MAP2K6: variants seen among roughly 807,000 people sequenced by gnomAD.
The protein encoded by MAP2K6 is mitogen-activated protein kinase kinase 6.
MAP2K6 carries 16 observed loss-of-function variants against 53.7 expected under a neutral mutation model. The ratio of observed to expected loss-of-function variants is 0.30; its 90% confidence interval spans 0.20 to 0.45. MAP2K6 has a LOEUF of 0.45. MAP2K6 is among the 20% of genes least tolerant of loss of function. The pLI is 1.00. For synonymous variants in MAP2K6, 132 were observed against 143.1 expected (o/e 0.92, Z 0.55); for missense variants, 204 against 411.9 (o/e 0.50, Z 4.37).
intron 1 of MAP2K6, among the ~76,000 whole-genome samples, chr17:69,429,163 C>T (rs1168464491): frequency 6.6e-6 from 1 of 151,694 alleles, no homozygotes; most frequent in Non-Finnish European, 1.5e-5. Flanking sequence ...GTGGGCTGGG[C>T]TGGTGGCTCA....
intron 1 of MAP2K6, among the ~76,000 whole-genome samples, chr17:69,503,494 A>G (rs1287622623): frequency 6.6e-6 from 1 of 152,222 alleles, no homozygotes; most frequent in Non-Finnish European, 1.5e-5. Flanking sequence ...AAAATACATA[A>G]GTAAACCCAA....
Position 69,519,588 on chromosome 17 carries a change from G to A in MAP2K6, c.366+156G>A. The A allele has an allele frequency of 2.5e-6, 2 of 788,996 alleles. 1 individual carries two copies. Among genetic ancestry groups the A allele is most frequent in the Middle Eastern group, 6.7e-4 (2 of 2,998 alleles). The allele number at this position is 788,996 out of a possible 1,614,324, so 48.9% of individuals were successfully genotyped here. A position where few individuals can be genotyped will look rare whatever the true frequency, so the allele number is the denominator to read the frequency against. On this transcript the variant is annotated intron_variant, in intron 5 of 11. Transcript: ENST00000590474. ...GTGTGCAATGATGACATGCCCTGGA[G>A]CAAGGTTGGATTGAAATTATGGTAT... is the stretch of plus-strand genomic sequence containing the variant.
At chr17:69,517,444 C>G in intron 3 of MAP2K6, 56 bp from the exon 4 acceptor site, 2 of 951,158 alleles carry the variant, frequency 2.1e-6, no homozygotes, top group Non-Finnish European at 3.2e-6. Context: ...ATAATGTGCT[C>G]TCTGTTCTGT....
intron 2 of MAP2K6, among the ~76,000 whole-genome samples, chr17:69,510,055 G>A (rs1183880769): frequency 6.6e-6 from 1 of 152,052 alleles, no homozygotes; most frequent in African/African-American, 2.4e-5. Context: ...ATGTTGCCCA[G>A]GCTGGTCTTG....
At chr17:69,445,629 A>G (rs1300963722) in intron 1 of MAP2K6, among the ~76,000 whole-genome samples, 22 of 152,232 alleles carry the variant, frequency 1.4e-4, no homozygotes, top group Admixed American at 6.5e-5. Context: ...ACCCAAGGCT[A>G]GGACCGAATC....
chr17:69,505,999 C>T (rs994078842), intron 2 of MAP2K6, among the ~76,000 whole-genome samples, 153 bp downstream of exon 2: 2 of 152,188 alleles, frequency 1.3e-5, no homozygotes, highest in African/African-American at 4.8e-5. Context: ...CTGAAATAGT[C>T]ATCTTATCAG....
At chr17:69,528,375 T>G (rs963770205) in intron 10 of MAP2K6, among the ~76,000 whole-genome samples, 1 of 152,168 alleles carries the variant, frequency 6.6e-6, no homozygotes, top group African/African-American at 2.4e-5. Context: ...TTAAAAGATA[T>G]ATCTTCTAGG....
chr17:69,429,982 C>T (rs1906404731), intron 1 of MAP2K6, among the ~76,000 whole-genome samples: 1 of 152,112 alleles, frequency 6.6e-6, no homozygotes, highest in African/African-American at 2.4e-5. Flanking sequence ...GCAGCAGAGG[C>T]TCAGCAGAAA....
At chr17:69,460,933 A>T (rs1907605083) in intron 1 of MAP2K6, among the ~76,000 whole-genome samples, 1 of 152,196 alleles carries the variant, frequency 6.6e-6, no homozygotes, top group South Asian at 2.1e-4. Context: ...ATAGAGTGGT[A>T]GAAACCTGGA....
chr17:69,511,771 C>T (rs1031834482), intron 2 of MAP2K6, among the ~76,000 whole-genome samples: 1 of 152,182 alleles, frequency 6.6e-6, no homozygotes, highest in Non-Finnish European at 1.5e-5. Flanking sequence ...AGTTGAATAT[C>T]TTAGGCAAAA....
At chr17:69,453,050 C>T (rs750079837) in intron 1 of MAP2K6, among the ~76,000 whole-genome samples, 20 of 152,100 alleles carry the variant, frequency 1.3e-4, no homozygotes, top group South Asian at 4.2e-4. Flanking sequence ...AGCGTTGGGA[C>T]GAAGTGACTC....
chr17:69,516,105 A>T (rs1598303269), intron 2 of MAP2K6, among the ~76,000 whole-genome samples: 2 of 152,208 alleles, frequency 1.3e-5, no homozygotes, highest in Middle Eastern at 3.4e-3. Context: ...ATTCAAGCAC[A>T]TTACATTTAT....
At position 69,543,393 on chromosome 17, in the gene MAP2K6, G is replaced by A. The variant is rs1198603482; in HGVS notation, c.*1640G>A. On this transcript the variant is annotated 3_prime_UTR_variant, in exon 12 of 12. Coordinates refer to ENST00000590474, the MANE Select transcript of MAP2K6 (RefSeq NM_002758.4). ...TTTTTTCCTCCTTGTTCTTGACAAG[G>A]AGGAGTTGCTCCTGCCCAGAATGAG... The A allele has an allele frequency of 1.3e-5, 2 of 152,030 alleles. No homozygotes were observed. Among genetic ancestry groups the A allele is most frequent in the African/African-American group, 4.8e-5 (2 of 41,390 alleles). 9.4% of individuals were successfully genotyped at this position (152,030 alleles called of 1,614,324 possible).
At position 69,526,571 on chromosome 17, in the gene MAP2K6, T is replaced by C. The variant is rs958990701; in HGVS notation, c.743T>C (p.Ile248Thr). The C allele has an allele frequency of 6.2e-7, 1 of 1,613,482 alleles. No individual in the cohort carries two copies. Among genetic ancestry groups the C allele is most frequent in the African/African-American group, 1.3e-5 (1 of 75,020 alleles). The change falls in exon 10 of 12, where the codon ATT (isoleucine) becomes ACT (threonine). Residue 248 changes from isoleucine (I) to threonine (T), a missense_variant and splice_region_variant. Coordinates refer to ENST00000590474, the MANE Select transcript of MAP2K6 (RefSeq NM_002758.4). ...CTCCTTTTTTCTTCTTTTCTCCAGA[T>C]TGAGTTGGCCATCCTTCGATTTCCC... ...SDIWSLGITM[I>T]ELAILRFPYD... is the part of the protein sequence containing the mutation.
At chr17:69,452,406 C>T (rs1907261412) in intron 1 of MAP2K6, among the ~76,000 whole-genome samples, 1 of 151,922 alleles carries the variant, frequency 6.6e-6, no homozygotes, top group Admixed American at 6.6e-5. Context: ...GTATTGAATC[C>T]ACAATTCATT....
chr17:69,504,700 C>T (rs1177742615), intron 1 of MAP2K6: 1 of 154,138 alleles, frequency 6.5e-6, no homozygotes, highest in African/African-American at 2.4e-5. Context: ...TGTTCTGCTT[C>T]CTGAGCTGGC....
chr17:69,429,548 C>T (rs1050828552), intron 1 of MAP2K6, among the ~76,000 whole-genome samples: 1 of 152,116 alleles, frequency 6.6e-6, no homozygotes, highest in Non-Finnish European at 1.5e-5. Flanking sequence ...TGTTACCAAG[C>T]TCTTGCAATA....
Position 69,494,365 on chromosome 17 carries a change from G to T in MAP2K6, c.17-11415G>T, listed in dbSNP as rs560357638. On this transcript the variant is annotated intron_variant, in intron 1 of 11. Transcript: ENST00000590474. This position sits in a 1 kb window ranked among gnomAD's most constrained non-coding sequence, Gnocchi z 4.2. ...ATACAAAAATTAGCTGGGCATGGTG[G>T]CACATGCCTGTAATCTCAGCTACTT... Among the ~76,000 whole-genome samples the T allele has an allele frequency of 6.6e-6, 1 of 152,106 alleles. No homozygotes were observed. Among genetic ancestry groups the T allele is most frequent in the African/African-American group, 2.4e-5 (1 of 41,400 alleles).
chr17:69,487,402 A>C (rs1032272868), intron 1 of MAP2K6, among the ~76,000 whole-genome samples: 2 of 152,250 alleles, frequency 1.3e-5, no homozygotes, highest in African/African-American at 4.8e-5. Context: ...TGTGCCTTGC[A>C]TGTAACACAT....
Sources: allele counts gnomAD v4.1 joint callset (sites outside exome capture counted in the v4.1 genomes callset), GRCh38; gene constraint gnomAD v4.1.1; non-coding constraint Gnocchi (gnomAD v3.1); transcripts MANE v1.5; gene names NCBI Gene and HGNC (gene_info 2026-07-23, HGNC 2026-07-21).